Variants in PLCB1 observed in about 807,000 individuals in gnomAD.
PLCB1 encodes the protein phospholipase C beta 1.
A neutral mutation model predicts 161.8 loss-of-function variants in PLCB1; 46 were observed. That is an observed-to-expected ratio of 0.28 (90% CI 0.22 to 0.36). PLCB1 has a LOEUF of 0.36. Among genes scored for constraint, PLCB1 ranks in the 10% least tolerant of loss-of-function variants. PLCB1 has a pLI of 1.00. For missense variants in PLCB1, 1,016 were observed against 1,472.5 expected (o/e 0.69, Z 5.07); for synonymous variants, 517 against 503.7 (o/e 1.03, Z -0.35).
chr20:8,632,899 TGGAA>T (rs1988642609), intron 4 of PLCB1, among the ~76,000 whole-genome samples: 1 of 152,152 alleles, frequency 6.6e-6, no homozygotes, highest in Non-Finnish European at 1.5e-5. Flanking sequence ...GTGAGTGAGA[TGGAA>T]GCCCCGAGAG....
At chr20:8,679,699 T>C (rs1487967146) in intron 9 of PLCB1, among the ~76,000 whole-genome samples, 1 of 152,244 alleles carries the variant, frequency 6.6e-6, no homozygotes, top group Middle Eastern at 3.2e-3. Flanking sequence ...AAACACTATG[T>C]TTGTTTATGA....
Position 8,175,442 on chromosome 20 carries a change from A to T in PLCB1, c.177+25071A>T, listed in dbSNP as rs565495306. Reference sequence around the variant, plus strand: ...GTGATGATGGAGACATTGGATATTCATAGGCAAAAAATAAGTAAAAATAAA... The same window carrying T: ...GTGATGATGGAGACATTGGATATTCTTAGGCAAAAAATAAGTAAAAATAAA... On this transcript the variant is annotated intron_variant, in intron 2 of 31. Coordinates refer to ENST00000338037, the MANE Select transcript of PLCB1 (RefSeq NM_015192.4). 1.6e-4 allele frequency among the ~76,000 whole-genome samples: 21 copies of T among 134,070 alleles called. No individual in the cohort carries two copies. In the South Asian group the frequency reaches 5.4e-3, roughly 34 times the overall value. The allele number at this position is 134,070 out of a possible 152,430, so 88.0% of individuals were successfully genotyped here.
chr20:8,851,127 G>A (rs1986870977), intron 31 of PLCB1, among the ~76,000 whole-genome samples: 1 of 152,032 alleles, frequency 6.6e-6, no homozygotes, highest in African/African-American at 2.4e-5. Flanking sequence ...GGCTCACTGG[G>A]GCCATGTTCC....
chr20:8,347,980 G>GA (rs935756486), intron 2 of PLCB1, among the ~76,000 whole-genome samples: 4 of 150,834 alleles, frequency 2.7e-5, no homozygotes, highest in Admixed American at 1.3e-4. Context: ...TCAAAAAAAA[G>GA]AAAAAAAAGA....
intron 12 of PLCB1, among the ~76,000 whole-genome samples, chr20:8,714,499 C>G (rs1979195546): frequency 6.6e-6 from 1 of 152,222 alleles, no homozygotes; most frequent in South Asian, 2.1e-4. Flanking sequence ...AAATCAGCCA[C>G]TTCTCTGCCT....
chr20:8,253,536 C>T (rs1485903818), intron 2 of PLCB1, among the ~76,000 whole-genome samples: 1 of 151,956 alleles, frequency 6.6e-6, no homozygotes. Context: ...CATTTCTGGT[C>T]TACATGAATT....
At chr20:8,757,637 T>C (rs985774537) in intron 24 of PLCB1, among the ~76,000 whole-genome samples, 2 of 152,180 alleles carry the variant, frequency 1.3e-5, no homozygotes. Flanking sequence ...ATATGGATCA[T>C]TTCAATTCCC....
At chr20:8,325,962 C>A (rs1985136399) in intron 2 of PLCB1, among the ~76,000 whole-genome samples, 1 of 152,080 alleles carries the variant, frequency 6.6e-6, no homozygotes, top group South Asian at 2.1e-4. Flanking sequence ...TTCCAGGGAA[C>A]AAAACATTTT....
chr20:8,324,206 GT>G, intron 2 of PLCB1, among the ~76,000 whole-genome samples: 1 of 63,868 alleles, frequency 1.6e-5, no homozygotes, highest in Non-Finnish European at 3.4e-5. Context: ...AGGGGTGTGT[GT>G]GTGTGTGTGT....
intron 2 of PLCB1, among the ~76,000 whole-genome samples, chr20:8,152,123 G>A (rs939115636): frequency 6.6e-6 from 1 of 152,052 alleles, no homozygotes; most frequent in Non-Finnish European, 1.5e-5. Flanking sequence ...TCATGTTATT[G>A]CTTTTCTTTT....
intron 2 of PLCB1, among the ~76,000 whole-genome samples, chr20:8,329,461 G>GT (rs60710062): frequency 0.1 from 15,898 of 151,718 alleles, 1,661 homozygotes; most frequent in African/African-American, 0.27. Context: ...CCAAAGACTT[G>GT]TTTTTATCCA....
chr20:8,301,473 G>A (rs1472185807), intron 2 of PLCB1, among the ~76,000 whole-genome samples: 2 of 152,052 alleles, frequency 1.3e-5, no homozygotes, highest in African/African-American at 4.8e-5. Flanking sequence ...AAGGAATCAA[G>A]GGGATTATAA....
chr20:8,477,238 C>G (rs1233636426), intron 3 of PLCB1, among the ~76,000 whole-genome samples: 3 of 152,150 alleles, frequency 2.0e-5, no homozygotes, highest in Non-Finnish European at 4.4e-5. Flanking sequence ...AACGCATGTT[C>G]AATTTTGAGA....
At chr20:8,139,197 G>C (rs897919400) in intron 1 of PLCB1, among the ~76,000 whole-genome samples, 1 of 142,924 alleles carries the variant, frequency 7.0e-6, no homozygotes, top group Non-Finnish European at 1.5e-5. Context: ...AGCTATTCTC[G>C]TGCCTCAGCC....
intron 31 of PLCB1, among the ~76,000 whole-genome samples, chr20:8,825,488 G>A (rs531963356): frequency 1.1e-4 from 17 of 152,108 alleles, no homozygotes; most frequent in African/African-American, 2.7e-4. Context: ...AATAATACAC[G>A]CAAAGTCCCT....
chr20:8,465,307 T>C (rs1424282496), intron 3 of PLCB1, among the ~76,000 whole-genome samples: 1 of 152,122 alleles, frequency 6.6e-6, no homozygotes, highest in Non-Finnish European at 1.5e-5. Context: ...CCTACAAAAG[T>C]AGTATGATGC....
chr20:8,399,434 T>C (rs1978448246), intron 3 of PLCB1, among the ~76,000 whole-genome samples: 1 of 152,176 alleles, frequency 6.6e-6, no homozygotes, highest in Admixed American at 6.6e-5. Flanking sequence ...TTTCCTTCCA[T>C]GTGTACCTGG....
At chr20:8,781,740 G>A (rs2146212142) in intron 27 of PLCB1, among the ~76,000 whole-genome samples, 2 of 152,254 alleles carry the variant, frequency 1.3e-5, no homozygotes, top group South Asian at 4.2e-4. Context: ...CAGAAAGCAA[G>A]GAGGAGCAAG....
intron 31 of PLCB1, among the ~76,000 whole-genome samples, chr20:8,804,870 A>G (rs776574286): frequency 6.6e-6 from 1 of 152,042 alleles, no homozygotes; most frequent in Non-Finnish European, 1.5e-5. Flanking sequence ...AGGTGTCTGT[A>G]ATCCCAGCTA....
Sources: allele counts gnomAD v4.1 joint callset (sites outside exome capture counted in the v4.1 genomes callset), GRCh38; gene constraint gnomAD v4.1.1; transcripts MANE v1.5; gene names NCBI Gene and HGNC (gene_info 2026-07-23, HGNC 2026-07-21).